Variants in TMCC2 observed in about 807,000 individuals in gnomAD.
The protein encoded by TMCC2 is transmembrane and coiled-coil domain family 2, also known as transmembrane and coiled-coil domains protein 2.
In TMCC2, 16 loss-of-function variants were observed where a neutral mutation model predicts 49.4. That is an observed-to-expected ratio of 0.32 (90% CI 0.22 to 0.49). The LOEUF (loss-of-function observed/expected upper bound fraction) is 0.49. Among genes scored for constraint, TMCC2 ranks in the 20% least tolerant of loss-of-function variants. TMCC2 has a pLI of 0.99. For missense variants in TMCC2, 762 were observed against 989.8 expected (o/e 0.77, Z 3.09); for synonymous variants, 397 against 434.1 (o/e 0.91, Z 1.06).
intron 1 of TMCC2, among the ~76,000 whole-genome samples, chr1:205,233,156 GA>G (rs1374024858): frequency 6.6e-6 from 1 of 152,134 alleles, no homozygotes; most frequent in African/African-American, 2.4e-5. Context: ...GGGAAGAATT[GA>G]GTCTTTCCTG....
intron 1 of TMCC2, among the ~76,000 whole-genome samples, chr1:205,231,819 A>G (rs928516099): frequency 6.6e-6 from 1 of 152,092 alleles, no homozygotes; most frequent in African/African-American, 2.4e-5. Context: ...TTTTGTTTTC[A>G]TTTTAAACTT....
intron 3 of TMCC2, among the ~76,000 whole-genome samples, chr1:205,270,151 A>C (rs1159822327): frequency 6.6e-6 from 1 of 152,008 alleles, no homozygotes; most frequent in African/African-American, 2.4e-5. Flanking sequence ...GGTTCAAGCG[A>C]TTCTCCTGCC....
At chr1:205,234,332 G>T (rs938944664) in intron 1 of TMCC2, among the ~76,000 whole-genome samples, 1 of 152,126 alleles carries the variant, frequency 6.6e-6, no homozygotes, top group Non-Finnish European at 1.5e-5. Flanking sequence ...TGTAGTCCCA[G>T]CTACTCTGGA....
intron 2 of TMCC2, among the ~76,000 whole-genome samples, chr1:205,250,276 C>T (rs1441066034): frequency 1.3e-5 from 2 of 152,156 alleles, no homozygotes; most frequent in South Asian, 2.1e-4. Flanking sequence ...CACGGTGGCT[C>T]GTGCCTGTAA....
At chr1:205,238,970 C>G (rs1392501946) in intron 1 of TMCC2, among the ~76,000 whole-genome samples, 1 of 152,102 alleles carries the variant, frequency 6.6e-6, no homozygotes, top group Non-Finnish European at 1.5e-5. Context: ...GTAAATTGAC[C>G]AAGGATTTTA....
chr1:205,252,965 A>T (rs1036561024), intron 2 of TMCC2, among the ~76,000 whole-genome samples: 25 of 151,332 alleles, frequency 1.7e-4, no homozygotes, highest in African/African-American at 2.2e-4. Context: ...TCTTAAAAAA[A>T]AAAAATAATA....
chr1:205,269,912 G>C (rs1214370058), intron 3 of TMCC2, 28 bp downstream of exon 3: 5 of 1,592,862 alleles, frequency 3.1e-6, no homozygotes, highest in Non-Finnish European at 4.3e-6. Context: ...CCCTCCTGCA[G>C]CCCAGCCGGA....
In TMCC2 at chr1:205,228,531, A is replaced by G; in HGVS notation, c.-34A>G. The stretch of plus-strand genomic sequence containing the variant: ...GGTCTTCCCCAAGACGGCGCGCTGG[A>G]AGGACAGATTCCCCTTGCCGACCCA... On this transcript the variant is annotated 5_prime_UTR_variant, in exon 1 of 5. Transcript: ENST00000358024. 6.4e-7 allele frequency: 1 copy of G among 1,569,642 alleles called. No individual in the cohort carries two copies. The highest frequency in any genetic ancestry group is 8.7e-7 in the Non-Finnish European group (1 of 1,151,602).
intron 1 of TMCC2, chr1:205,229,593 T>C (rs1659712080): frequency 1.1e-6 from 1 of 951,844 alleles, no homozygotes; most frequent in Non-Finnish European, 1.2e-6. Context: ...GTGGATTTCC[T>C]GCCGTTAGGT....
At chr1:205,247,223 C>T (rs1660487959) in intron 2 of TMCC2, among the ~76,000 whole-genome samples, 1 of 152,164 alleles carries the variant, frequency 6.6e-6, no homozygotes, top group Non-Finnish European at 1.5e-5. Flanking sequence ...CTCCATTTTA[C>T]AGATGAGTAG....
Position 205,269,714 on chromosome 1 carries a change from T to G in TMCC2, c.1512T>G (p.Pro504=). 1 of 1,614,154 alleles carries G rather than the reference T, an allele frequency of 6.2e-7. No homozygotes were observed. Among genetic ancestry groups the G allele is most frequent in the Non-Finnish European group, 8.5e-7 (1 of 1,180,012 alleles). The change falls in exon 3 of 5, where the codon CCT becomes CCG. Residue 504 remains proline (P), a synonymous_variant. Coordinates refer to ENST00000358024, the MANE Select transcript of TMCC2 (RefSeq NM_014858.4). The part of the protein sequence containing the change: ...GAGPGGALGS[P]KSNALYGAPG... ...GGCCTGGTGGGGCGCTGGGGAGCCC[T>G]AAGTCCAATGCACTGTATGGTGCTC...
chr1:205,260,499 A>T (rs1036416374), intron 2 of TMCC2, among the ~76,000 whole-genome samples: 1 of 152,202 alleles, frequency 6.6e-6, no homozygotes. Flanking sequence ...GAGCTGAAGG[A>T]CCCAGAGACC....
intron 2 of TMCC2, chr1:205,257,404 G>A (rs755414411): frequency 1.1e-5 from 14 of 1,232,106 alleles, no homozygotes; most frequent in Admixed American, 8.4e-5. Flanking sequence ...GAATTTCACC[G>A]GGCGGGGTGG....
At chr1:205,248,720 C>CTT (rs774032761) in intron 2 of TMCC2, among the ~76,000 whole-genome samples, 1 of 145,366 alleles carries the variant, frequency 6.9e-6, no homozygotes. Flanking sequence ...TCTCCCTCTT[C>CTT]TTTTTTTTTT....
Position 205,241,526 on chromosome 1 carries a change from G to A in TMCC2, c.229G>A (p.Gly77Ser), listed in dbSNP as rs1558645095. 1.9e-6 allele frequency: 3 copies of A among 1,613,598 alleles called. No individual in the cohort carries two copies. The highest frequency in any genetic ancestry group is 1.1e-5 in the South Asian group (1 of 91,060). Reference protein sequence around the residue: ...DLKKIQQLSEGSMFGHGLKHL... With the variant: ...DLKKIQQLSESSMFGHGLKHL... ...TAAGAAAATCCAGCAGCTGTCAGAG[G>A]GCTCCATGTTTGGCCACGGTCTGAA... Residue 77 changes from glycine (G) to serine (S), a missense_variant, in exon 2 of 5, where the codon GGC becomes AGC. By Grantham distance (56) the Gly-to-Ser change is moderately conservative. Transcript: ENST00000358024. The surrounding 1 kb of genome is among the most constrained non-coding windows in gnomAD (Gnocchi z 7.3).
chr1:205,271,185 T>G lies in TMCC2; in HGVS notation c.1748T>G (p.Leu583Arg), dbSNP rs1226195168. The G allele has an allele frequency of 6.2e-7, 1 of 1,613,984 alleles. No individual in the cohort carries two copies. Reference protein sequence around the residue: ...TELHQNEMTNLKQELASMEEK... With the variant: ...TELHQNEMTNRKQELASMEEK... ...CTTCATCAGAACGAGATGACGAACCTGAAGCAGGAGCTGGCCAGCATGGAG... is the reference window on the plus strand; with the variant it reads ...CTTCATCAGAACGAGATGACGAACCGGAAGCAGGAGCTGGCCAGCATGGAG... The change falls in exon 4 of 5, where the codon CTG (leucine) becomes CGG (arginine). Residue 583 changes from leucine (L) to arginine (R), a missense_variant. Around this residue, in one of 2 missense-constraint regions of TMCC2, gnomAD observed 440 missense variants for 636.7 expected, o/e 0.69. Transcript: ENST00000358024.
At position 205,242,620 on chromosome 1, in the gene TMCC2, G is replaced by A. The variant is rs541554165; in HGVS notation, c.747+576G>A. 9.2e-5 allele frequency among the ~76,000 whole-genome samples: 14 copies of A among 152,216 alleles called. No individual in the cohort carries two copies. The South Asian group carries it at 1.0e-3, about 11-fold the overall frequency. ...AATTTATATATTCGTTCTTTTATTCGTGTAACAAGTATCTATTGAATTCTT... is the reference window on the plus strand; with the variant it reads ...AATTTATATATTCGTTCTTTTATTCATGTAACAAGTATCTATTGAATTCTT... On this transcript the variant is annotated intron_variant, in intron 2 of 4. Transcript: ENST00000358024.
intron 2 of TMCC2, 104 bp from the exon 3 acceptor site, chr1:205,268,846 C>T (rs1661453540): frequency 8.9e-7 from 1 of 1,119,846 alleles, no homozygotes; most frequent in Non-Finnish European, 1.3e-6. Flanking sequence ...TTTTGGACTC[C>T]TGCATCCATT....
At chr1:205,269,930 T>C in intron 3 of TMCC2, 46 bp downstream of exon 3, 1 of 1,568,180 alleles carries the variant, frequency 6.4e-7, no homozygotes, top group Non-Finnish European at 8.7e-7. Flanking sequence ...GGACGTGGGA[T>C]GAGGCAAGGA....
Sources: allele counts gnomAD v4.1 joint callset (sites outside exome capture counted in the v4.1 genomes callset), GRCh38; gene constraint gnomAD v4.1.1; regional missense constraint gnomAD v4.1.1; non-coding constraint Gnocchi (gnomAD v3.1); transcripts MANE v1.5; gene names NCBI Gene and HGNC (gene_info 2026-07-23, HGNC 2026-07-21).